Variants in RHEB observed in about 807,000 individuals in gnomAD.
RHEB encodes the protein Ras homolog, mTORC1 binding, also known as GTP-binding protein Rheb.
A neutral mutation model predicts 28.8 loss-of-function variants in RHEB; 2 were observed. That is an observed-to-expected ratio of 0.07 (90% CI 0.03 to 0.22). RHEB has a LOEUF of 0.22. Among genes scored for constraint, RHEB ranks in the 10% least tolerant of loss-of-function variants. The pLI, the probability that RHEB is intolerant of heterozygous loss-of-function variation, is 1.00. For missense variants in RHEB, 76 were observed against 219.9 expected (o/e 0.35, Z 4.14); for synonymous variants, 69 against 77.3 (o/e 0.89, Z 0.56).
At position 151,472,398 on chromosome 7, in the gene RHEB, C is replaced by T. The variant is rs547999014; in HGVS notation, c.276-793G>A. On this transcript the variant is annotated intron_variant, in intron 4 of 7. Transcript: ENST00000262187. This position sits in a 1 kb window ranked among gnomAD's most constrained non-coding sequence, Gnocchi z 5.2. ...AGAGGACTCTGCTGCAGCAGATGGA[C>T]GGTGCCTGGTTCAACATCCTCTGAT... Among the ~76,000 whole-genome samples, 1 of 152,288 alleles carries T rather than the reference C, an allele frequency of 6.6e-6. No homozygotes were observed. The highest frequency in any genetic ancestry group is 1.5e-5 in the Non-Finnish European group (1 of 68,028).
At chr7:151,489,496 C>T (rs1802540704) in intron 2 of RHEB, among the ~76,000 whole-genome samples, 1 of 152,202 alleles carries the variant, frequency 6.6e-6, no homozygotes, top group Non-Finnish European at 1.5e-5. Context: ...AGTTTATCAA[C>T]CAACAGGTTT....
intron 1 of RHEB, among the ~76,000 whole-genome samples, chr7:151,498,987 C>T (rs185941782): frequency 6.6e-6 from 1 of 152,332 alleles, no homozygotes; most frequent in African/African-American, 2.4e-5. Context: ...GTGCGAGGCA[C>T]AATTCTAAGC....
At chr7:151,500,420 C>A (rs1035048592) in intron 1 of RHEB, among the ~76,000 whole-genome samples, 1 of 152,134 alleles carries the variant, frequency 6.6e-6, no homozygotes, top group Non-Finnish European at 1.5e-5. Context: ...GGCATAAGGA[C>A]AGACACAGAT....
intron 1 of RHEB, among the ~76,000 whole-genome samples, chr7:151,507,949 A>G (rs1289504842): frequency 6.6e-6 from 1 of 152,214 alleles, no homozygotes; most frequent in Non-Finnish European, 1.5e-5. Flanking sequence ...GAAAGGCCAT[A>G]AAACTGTTTC....
intron 4 of RHEB, among the ~76,000 whole-genome samples, chr7:151,474,510 G>A (rs1023959920): frequency 2.7e-5 from 4 of 150,036 alleles, no homozygotes; most frequent in African/African-American, 4.9e-5. Context: ...TAAGTAACCC[G>A]GCTGCCTCAG....
rs745587964 is a variant in RHEB, at chr7:151,471,529, G to A, written c.332+20C>T. 1 of 1,589,024 alleles carries A rather than the reference G, an allele frequency of 6.3e-7. No individual in the cohort carries two copies. Among genetic ancestry groups the A allele is most frequent in the South Asian group, 1.1e-5 (1 of 88,162 alleles). ...TTAAAAGAAGTTTCTCTAACAAGCA[G>A]ATAAAATGGTACTACTTACTGTACT... On this transcript the variant is annotated intron_variant, in intron 5 of 7. Transcript: ENST00000262187.
Position 151,487,525 on chromosome 7 carries a change from G to GA in RHEB, c.125-2722dup, listed in dbSNP as rs78565203. Among the ~76,000 whole-genome samples the GA allele has an allele frequency of 2.5e-3, 330 of 132,542 alleles. 1 individual carries two copies. Among genetic ancestry groups the GA allele is most frequent in the South Asian group, 6.8e-3 (28 of 4,144 alleles). The allele number at this position is 132,542 out of a possible 152,430, so 87.0% of individuals were successfully genotyped here. On this transcript the variant is annotated intron_variant, in intron 2 of 7. Transcript: ENST00000262187. ...ATGTCATTGTACATAGTGTATAAAA[G>GA]AAAAAAAAAAAAATAAACATTTGCA...
At position 151,507,930 on chromosome 7, in the gene RHEB, T is replaced by C. The variant is rs7803791; in HGVS notation, c.52+11530A>G. Among the ~76,000 whole-genome samples, 324 of 152,242 alleles carry C rather than the reference T, an allele frequency of 2.1e-3. 4 individuals are homozygous for C. Among genetic ancestry groups the C allele is most frequent in the African/African-American group, 7.6e-3 (314 of 41,544 alleles). On this transcript the variant is annotated intron_variant, in intron 1 of 7. Transcript: ENST00000262187. ...ATTATTAAACTAAAGAAAAATAAAG[T>C]GCTACCCAGAAAGGCCATAAAACTG... is the stretch of plus-strand genomic sequence containing the variant.
At chr7:151,511,097 A>AT (rs1051334575) in intron 1 of RHEB, among the ~76,000 whole-genome samples, 25 of 152,272 alleles carry the variant, frequency 1.6e-4, no homozygotes, top group African/African-American at 3.4e-4. Flanking sequence ...AAAATAAAAA[A>AT]AAAAATAAAG....
At chr7:151,493,924 A>G (rs1488597363) in intron 1 of RHEB, among the ~76,000 whole-genome samples, 2 of 152,168 alleles carry the variant, frequency 1.3e-5, no homozygotes, top group African/African-American at 4.8e-5. Flanking sequence ...TTTACACTGA[A>G]TGCTACTGCT....
chr7:151,470,134 C>T (rs1802134555), intron 7 of RHEB, among the ~76,000 whole-genome samples: 1 of 151,890 alleles, frequency 6.6e-6, no homozygotes, highest in Non-Finnish European at 1.5e-5. Flanking sequence ...GATGGTTCTT[C>T]ATCATTTCTA....
chr7:151,502,630 G>T, intron 1 of RHEB: 1 of 1,586,686 alleles, frequency 6.3e-7, no homozygotes, highest in Non-Finnish European at 8.6e-7. Flanking sequence ...TGGATTCATT[G>T]TAATAGATGG....
intron 3 of RHEB, among the ~76,000 whole-genome samples, chr7:151,481,902 T>G (rs1802386667): frequency 6.6e-6 from 1 of 152,234 alleles, no homozygotes; most frequent in African/African-American, 2.4e-5. Flanking sequence ...TATTACTACA[T>G]CACTAAAATA....
intron 1 of RHEB, among the ~76,000 whole-genome samples, chr7:151,494,892 T>C (rs1425857014): frequency 6.6e-6 from 1 of 152,234 alleles, no homozygotes; most frequent in African/African-American, 2.4e-5. Context: ...TGTTGAAATC[T>C]TGACAAGTCA....
chr7:151,498,276 A>G (rs997620161), intron 1 of RHEB: 4 of 560,686 alleles, frequency 7.1e-6, no homozygotes, highest in South Asian at 3.0e-5. Context: ...GGAAACATCA[A>G]TGAAAGAAAT....
chr7:151,504,635 G>C (rs999744047), intron 1 of RHEB, among the ~76,000 whole-genome samples: 4 of 152,162 alleles, frequency 2.6e-5, no homozygotes, highest in African/African-American at 9.7e-5. Context: ...ATGTACACAT[G>C]AATAAATCTC....
rs189379498 is a variant in RHEB, at chr7:151,516,129, C to T, written c.52+3331G>A. ...AGGGAGCTGGTACTTTTGGCCATCA[C>T]GGCAACAGTTAATACAAAGCACTCC... On this transcript the variant is annotated intron_variant, in intron 1 of 7. Coordinates refer to ENST00000262187, the MANE Select transcript of RHEB (RefSeq NM_005614.4). Among the ~76,000 whole-genome samples, 177 of 152,232 alleles carry T rather than the reference C, an allele frequency of 1.2e-3. 3 individuals carry two copies. The highest frequency in any genetic ancestry group is 4.2e-3 in the African/African-American group (173 of 41,540).
intron 2 of RHEB, among the ~76,000 whole-genome samples, chr7:151,486,714 T>C (rs1294729221): frequency 6.6e-6 from 1 of 152,184 alleles, no homozygotes; most frequent in African/African-American, 2.4e-5. Context: ...CAGGAGCCCA[T>C]GATACAGTGA....
In RHEB at chr7:151,492,455, A is replaced by C. The variant is rs534650523; in HGVS notation, c.53-1441T>G. On this transcript the variant is annotated intron_variant, in intron 1 of 7. Coordinates refer to ENST00000262187, the MANE Select transcript of RHEB (RefSeq NM_005614.4). ...CATGGTTGGTCCTGTCTCTACTAAA[A>C]ATACAAAAAAAGTTACCCAAGCGTG... Among the ~76,000 whole-genome samples the C allele has an allele frequency of 1.3e-3, 199 of 152,042 alleles. 3 individuals are homozygous for C. Among genetic ancestry groups the C allele is most frequent in the Non-Finnish European group, 2.2e-3 (147 of 67,952 alleles).
Sources: allele counts gnomAD v4.1 joint callset (sites outside exome capture counted in the v4.1 genomes callset), GRCh38; gene constraint gnomAD v4.1.1; non-coding constraint Gnocchi (gnomAD v3.1); transcripts MANE v1.5; gene names NCBI Gene and HGNC (gene_info 2026-07-23, HGNC 2026-07-21).